Variants in ITPR1 observed in about 807,000 individuals in gnomAD.
ITPR1 encodes the protein inositol 1,4,5-trisphosphate receptor type 1.
Under a neutral mutation model 318.4 loss-of-function variants are expected in ITPR1, and 96 were observed. The observed-to-expected ratio is 0.30, with a 90% confidence interval of 0.26 to 0.36. ITPR1 has a LOEUF of 0.36. ITPR1 is among the 10% of genes least tolerant of loss of function. The probability of loss-of-function intolerance (pLI) is 1.00; values close to 1 mark genes in which losing one functional copy is unlikely to be tolerated. For synonymous variants in ITPR1, 1,312 were observed against 1,289.9 expected (o/e 1.02, Z -0.37); for missense variants, 2,440 against 3,460.2 (o/e 0.71, Z 7.40).
At chr3:4,580,165 A>G (rs918869596) in intron 4 of ITPR1, among the ~76,000 whole-genome samples, 6 of 152,080 alleles carry the variant, frequency 3.9e-5, no homozygotes, top group Non-Finnish European at 7.4e-5. Context: ...AGCCGAGATC[A>G]TGCCACTCCA....
intron 4 of ITPR1, among the ~76,000 whole-genome samples, chr3:4,568,780 A>G (rs1272666229): frequency 1.3e-5 from 2 of 152,188 alleles, no homozygotes; most frequent in Non-Finnish European, 2.9e-5. Context: ...TGAGGGCTCT[A>G]TGAGTGTATT....
chr3:4,746,893 G>C (rs947282864), intron 44 of ITPR1, among the ~76,000 whole-genome samples: 1 of 152,136 alleles, frequency 6.6e-6, no homozygotes. Context: ...ACTTTCTTCC[G>C]GGGTCAAGTC....
intron 4 of ITPR1, among the ~76,000 whole-genome samples, chr3:4,548,995 G>C (rs1267963280): frequency 6.6e-6 from 1 of 152,102 alleles, no homozygotes; most frequent in East Asian, 1.9e-4. Flanking sequence ...TTTCGGGAGG[G>C]GGGGACTTGT....
At chr3:4,804,096 T>C (rs1355245129) in intron 54 of ITPR1, among the ~76,000 whole-genome samples, 1 of 152,296 alleles carries the variant, frequency 6.6e-6, no homozygotes, top group African/African-American at 2.4e-5. Context: ...GGTCGCGAAC[T>C]CCTGAGCTCA....
chr3:4,732,150 C>T (rs1379591780), intron 42 of ITPR1, among the ~76,000 whole-genome samples: 1 of 152,182 alleles, frequency 6.6e-6, no homozygotes, highest in Non-Finnish European at 1.5e-5. Context: ...GCTGAGAATG[C>T]AGAACGCATG....
Position 4,768,740 on chromosome 3 carries a change from T to C in ITPR1, c.5955T>C (p.Cys1985=). The C allele has an allele frequency of 1.9e-6, 3 of 1,612,702 alleles. No homozygotes were observed. The highest frequency in any genetic ancestry group is 2.5e-6 in the Non-Finnish European group (3 of 1,179,164). ...QPILRFLQLL[C]ENHNRDLQNF... Reference sequence around the variant, plus strand: ...TCCTCCGCTTCCTTCAGCTCCTGTGTGAAAACCACAACCGAGACCTGCAGG... The same window carrying C: ...TCCTCCGCTTCCTTCAGCTCCTGTGCGAAAACCACAACCGAGACCTGCAGG... Residue 1985 remains cysteine, a synonymous_variant, in exon 46 of 62, where the codon TGT becomes TGC. Coordinates refer to ENST00000649015, the MANE Select transcript of ITPR1 (RefSeq NM_001378452.1).
intron 4 of ITPR1, among the ~76,000 whole-genome samples, chr3:4,550,062 C>T (rs1279717766): frequency 6.6e-6 from 1 of 151,830 alleles, no homozygotes; most frequent in African/African-American, 2.4e-5. Flanking sequence ...GCAGGATTTC[C>T]TGTGCTTTCA....
Position 4,680,710 on chromosome 3 carries a change from A to T in ITPR1, c.3106+19A>T, listed in dbSNP as rs2094280582. The T allele has an allele frequency of 1.9e-6, 3 of 1,595,644 alleles. No individual in the cohort carries two copies. Among genetic ancestry groups the T allele is most frequent in the Non-Finnish European group, 2.6e-6 (3 of 1,170,426 alleles). On this transcript the variant is annotated intron_variant, in intron 25 of 61. Transcript: ENST00000649015. ...GTACCAGGTTAGTGATTCAGAATGG[A>T]ATTTCAGCCATAGAATGGGACCTGG...
Position 4,676,604 on chromosome 3 carries a change from C to G in ITPR1, c.2780-10C>G. ...ACATTGTGACCGTGGTCTCTCCTGG[C>G]CTTTCCTAGGCAGTAACGTGATGAG... On this transcript the variant is annotated splice_polypyrimidine_tract_variant and intron_variant, in intron 23 of 61. Transcript: ENST00000649015. 6.2e-7 allele frequency: 1 copy of G among 1,612,230 alleles called. No individual in the cohort carries two copies. The highest frequency in any genetic ancestry group is 1.3e-5 in the African/African-American group (1 of 74,998).
At chr3:4,844,971 G>T (rs1413176933) in intron 61 of ITPR1, among the ~76,000 whole-genome samples, 1 of 152,196 alleles carries the variant, frequency 6.6e-6, no homozygotes, top group East Asian at 1.9e-4. Context: ...TACCAAAAAT[G>T]AGTTCATGTG....
chr3:4,634,146 G>A (rs1410862293), intron 5 of ITPR1, among the ~76,000 whole-genome samples: 1 of 151,986 alleles, frequency 6.6e-6, no homozygotes, highest in Non-Finnish European at 1.5e-5. Context: ...TTATTCAAGG[G>A]AAAAGAGTAA....
In ITPR1 at chr3:4,540,997, G is replaced by A. The variant is rs114863989; in HGVS notation, c.163+19903G>A. On this transcript the variant is annotated intron_variant, in intron 4 of 61. Coordinates refer to ENST00000649015, the MANE Select transcript of ITPR1 (RefSeq NM_001378452.1). Reference sequence around the variant, plus strand: ...TAGAAGTTACCTCAGATATTTTAACGTGCATATTTAATTAACCCTAAAGTT... The same window carrying A: ...TAGAAGTTACCTCAGATATTTTAACATGCATATTTAATTAACCCTAAAGTT... Among the ~76,000 whole-genome samples the A allele has an allele frequency of 5.6e-3, 849 of 151,424 alleles. 12 individuals are homozygous for A. Among genetic ancestry groups the A allele is most frequent in the African/African-American group, 0.019 (793 of 41,210 alleles).
chr3:4,684,221 A>G, intron 28 of ITPR1, 60 bp from the exon 29 acceptor site: 7 of 1,137,724 alleles, frequency 6.2e-6, no homozygotes, highest in Admixed American at 1.8e-5. Flanking sequence ...GCTAACTGTA[A>G]AAAACTGACA....
At chr3:4,701,509 C>G (rs1399150008) in intron 35 of ITPR1, among the ~76,000 whole-genome samples, 1 of 152,164 alleles carries the variant, frequency 6.6e-6, no homozygotes, top group Non-Finnish European at 1.5e-5. Flanking sequence ...ATTAGGAACA[C>G]AGCTTACTAT....
At position 4,831,129 on chromosome 3, in the gene ITPR1, T is replaced by TCACACACACACACACACA. The variant is rs879055532; in HGVS notation, c.8029-5644_8029-5643insACACACACACACACACAC. 1,142 of 326,240 alleles carry TCACACACACACACACACA rather than the reference T, an allele frequency of 3.5e-3. 19 individuals are homozygous for TCACACACACACACACACA. Among genetic ancestry groups the TCACACACACACACACACA allele is most frequent in the African/African-American group, 0.027 (1,037 of 38,088 alleles). The allele number at this position is 326,240 out of a possible 1,614,324, so 20.2% of individuals were successfully genotyped here. On this transcript the variant is annotated intron_variant, in intron 60 of 61. Coordinates refer to ENST00000649015, the MANE Select transcript of ITPR1 (RefSeq NM_001378452.1). ...TTGTCTCTCTCTCTCTCTCTCTCTC[T>TCACACACACACACACACA]CTCACACACACACACACACACACAC...
intron 32 of ITPR1, among the ~76,000 whole-genome samples, chr3:4,692,647 A>C (rs2094497606): frequency 6.6e-6 from 1 of 152,224 alleles, no homozygotes. Context: ...AAATCGATTT[A>C]TTCTTAAATA....
chr3:4,776,936 A>G (rs897701698), intron 47 of ITPR1, among the ~76,000 whole-genome samples: 2 of 152,248 alleles, frequency 1.3e-5, no homozygotes, highest in African/African-American at 2.4e-5. Flanking sequence ...TGAAAGGGGA[A>G]AAAGGGTTCA....
chr3:4,686,744 C>A (rs1465812943), intron 30 of ITPR1, among the ~76,000 whole-genome samples: 1 of 152,234 alleles, frequency 6.6e-6, no homozygotes, highest in Non-Finnish European at 1.5e-5. Context: ...TTGGGGCTTG[C>A]TTTCCTTGGA....
At chr3:4,572,524 A>C (rs1464749956) in intron 4 of ITPR1, among the ~76,000 whole-genome samples, 1 of 152,212 alleles carries the variant, frequency 6.6e-6, no homozygotes, top group Non-Finnish European at 1.5e-5. Flanking sequence ...AGGATGCTTC[A>C]TATTTTTATT....
Sources: gnomAD v4.1 joint callset for allele counts (sites outside exome capture counted in the v4.1 genomes callset) on GRCh38, gnomAD v4.1.1 for gene constraint, MANE v1.5 for transcripts, NCBI Gene and HGNC (gene_info 2026-07-23, HGNC 2026-07-21) for gene names.